The following PLK5 variants were observed in gnomAD, a reference collection of about 807,000 sequenced individuals.
PLK5 encodes the protein inactive serine/threonine-protein kinase PLK5.
A neutral mutation model predicts 33.7 loss-of-function variants in PLK5; 28 were observed. That is an observed-to-expected ratio of 0.83 (90% CI 0.62 to 1.14). The LOEUF (loss-of-function observed/expected upper bound fraction) is 1.14. Ranked by LOEUF, PLK5 falls within the 50% of genes most tolerant of loss-of-function variation. PLK5 has a pLI of 0.00. For missense variants in PLK5, 492 were observed against 461.5 expected (o/e 1.07, Z -0.61); for synonymous variants, 225 against 202.2 (o/e 1.11, Z -0.96).
intron 9 of PLK5, 32 bp downstream of exon 9, chr19:1,529,006 C>G: frequency 4.1e-6 from 6 of 1,468,298 alleles, no homozygotes; most frequent in Admixed American, 2.4e-5. Flanking sequence ...CACGGGGAGA[C>G]ACAGGTGGAG....
chr19:1,533,157 C>T (rs1599307615), intron 12 of PLK5, among the ~76,000 whole-genome samples: 1 of 151,910 alleles, frequency 6.6e-6, no homozygotes, highest in East Asian at 2.0e-4. Flanking sequence ...CGGAGTTGTG[C>T]TCTTGTTGCC....
At chr19:1,528,247 G>C in intron 7 of PLK5, 55 bp from the exon 8 acceptor site, 2 of 1,535,626 alleles carry the variant, frequency 1.3e-6, no homozygotes, top group Non-Finnish European at 1.7e-6. Context: ...GGTAACCCAG[G>C]TGCTCAGGGG....
At chr19:1,529,599 C>T (rs763027852) in intron 10 of PLK5, 109 bp downstream of exon 10, 2 of 1,418,440 alleles carry the variant, frequency 1.4e-6, no homozygotes, top group Admixed American at 2.0e-5. Context: ...CCGTCCCGGC[C>T]TCACCTTTCC....
At chr19:1,529,050 A>C in intron 9 of PLK5, 76 bp downstream of exon 9, 1 of 1,296,022 alleles carries the variant, frequency 7.7e-7, no homozygotes, top group Non-Finnish European at 1.0e-6. Context: ...CCCCTCCCCC[A>C]TGCCGGCTTC....
intron 1 of PLK5, 115 bp from the exon 2 acceptor site, chr19:1,525,190 T>A (rs1319164613): frequency 1.3e-5 from 2 of 153,010 alleles, no homozygotes; most frequent in African/African-American, 4.8e-5. Context: ...CCCCGGTGTG[T>A]GTGTGGAGAG....
rs1914064898 is a variant in PLK5, at chr19:1,535,265, A to G, written c.*15A>G. On this transcript the variant is annotated 3_prime_UTR_variant, in exon 14 of 14. Coordinates refer to ENST00000454744, the MANE Select transcript of PLK5 (RefSeq NM_001243079.2). ...AGAGTATCTAGTGCCCCTGAGGGTC[A>G]GAGTGGACCCCTGCATGGTAGTGCC... The G allele has an allele frequency of 6.5e-7, 1 of 1,531,832 alleles. No individual in the cohort carries two copies. The highest frequency in any genetic ancestry group is 8.7e-7 in the Non-Finnish European group (1 of 1,144,638). 94.9% of individuals were successfully genotyped at this position (1,531,832 alleles called of 1,614,324 possible). A position where few individuals can be genotyped will look rare whatever the true frequency, so the allele number is the denominator to read the frequency against.
chr19:1,532,518 CTTCT>C (rs1365128131), intron 12 of PLK5, among the ~76,000 whole-genome samples: 77 of 121,660 alleles, frequency 6.3e-4, no homozygotes, highest in Admixed American at 2.8e-3. Flanking sequence ...ACAAAATTTT[CTTCT>C]TTTTTTTTTT....
Position 1,524,466 on chromosome 19 carries a change from G to A in PLK5, c.-544+220G>A, listed in dbSNP as rs79551414. Among the ~76,000 whole-genome samples the A allele has an allele frequency of 0.015, 2,333 of 152,202 alleles. 63 individuals are homozygous for A. The highest frequency in any genetic ancestry group is 0.053 in the African/African-American group (2,200 of 41,536). On this transcript the variant is annotated intron_variant, in intron 1 of 13. Transcript: ENST00000454744. The surrounding 1 kb of genome is among the most constrained non-coding windows in gnomAD (Gnocchi z 4.5). ...CGTCGTGTCCGTGGGTTGCGTGTCC[G>A]GGGTGTGGGCGTGCGGCTCGGCCTC... is the stretch of plus-strand genomic sequence containing the variant.
intron 12 of PLK5, among the ~76,000 whole-genome samples, chr19:1,533,136 T>C (rs910279343): frequency 2.6e-5 from 4 of 152,036 alleles, no homozygotes; most frequent in African/African-American, 4.8e-5. Flanking sequence ...CTCTGTCTCT[T>C]TTTTTTGAGA....
rs996107312 is a variant in PLK5 at position 1,534,571 on chromosome 19, C to A, written c.826-494C>A. 2.7e-5 allele frequency among the ~76,000 whole-genome samples: 4 copies of A among 148,460 alleles called. No individual in the cohort carries two copies. The South Asian group carries it at 8.4e-4, about 31-fold the overall frequency. On this transcript the variant is annotated intron_variant, in intron 13 of 13. Transcript: ENST00000454744. ...CTGTAATCCCAGCACTTTGGGAGGC[C>A]GAGGTGGGCAGATCACGAGGTCAGG...
intron 3 of PLK5, 148 bp downstream of exon 3, chr19:1,525,859 G>C (rs758143111): frequency 3.3e-5 from 5 of 152,760 alleles, no homozygotes; most frequent in Non-Finnish European, 5.9e-5. Flanking sequence ...GCCTACGTAG[G>C]GCCAATTGTG....
At chr19:1,532,013 A>C (rs933099285) in intron 12 of PLK5, 130 bp downstream of exon 12, 10 of 1,069,794 alleles carry the variant, frequency 9.3e-6, no homozygotes, top group Admixed American at 3.7e-5. Flanking sequence ...GGGGAGAACA[A>C]CACTAAACGA....
chr19:1,527,166 G>C (rs916370638), intron 6 of PLK5, among the ~76,000 whole-genome samples, 168 bp downstream of exon 6: 2 of 152,148 alleles, frequency 1.3e-5, no homozygotes, highest in Non-Finnish European at 2.9e-5. Flanking sequence ...GGAGGCGTGT[G>C]TGAGGGAGGA....
At chr19:1,526,670 C>T in intron 4 of PLK5, 34 bp from the exon 5 acceptor site, 1 of 413,390 alleles carries the variant, frequency 2.4e-6, no homozygotes. Flanking sequence ...GGGCACGGAT[C>T]CACCCCCATG....
chr19:1,534,975 C>A, intron 13 of PLK5, 90 bp from the exon 14 acceptor site: 2 of 1,233,274 alleles, frequency 1.6e-6, no homozygotes, highest in South Asian at 1.6e-5. Context: ...GGCTCTGGGT[C>A]CAGTGTCCAC....
chr19:1,526,853 C>A, intron 5 of PLK5, 50 bp from the exon 6 acceptor site: 1 of 1,059,702 alleles, frequency 9.4e-7, no homozygotes. Flanking sequence ...GCCCTGAAGT[C>A]TGGCACGGGG....
rs576783542 is a variant in PLK5 at position 1,535,231 on chromosome 19, G to C, written c.992G>C (p.Arg331Pro). ...TTGQHLHHAL[R>P]MLQSI ...GGACAGCACCTTCACCACGCCCTCC[G>C]CATGCTGCAGAGTATCTAGTGCCCC... Residue 331 changes from arginine to proline, a missense_variant, in exon 14 of 14, where the codon CGC becomes CCC. Physicochemically the swap from Arg to Pro is moderately radical, Grantham distance 103. Transcript: ENST00000454744. 1 of 1,535,716 alleles carries C rather than the reference G, an allele frequency of 6.5e-7. No individual in the cohort carries two copies. Among genetic ancestry groups the C allele is most frequent in the South Asian group, 1.2e-5 (1 of 84,020 alleles).
intron 9 of PLK5, 136 bp downstream of exon 9, chr19:1,529,110 G>A (rs1254379643): frequency 1.2e-5 from 9 of 749,266 alleles, no homozygotes; most frequent in South Asian, 7.7e-5. Context: ...CCCTAGTCCC[G>A]TCCTGACGCA....
In PLK5 at chr19:1,535,159, C is replaced by T. The variant is rs749007208; in HGVS notation, c.920C>T (p.Ser307Phe). The T allele has an allele frequency of 5.9e-6, 9 of 1,535,638 alleles. No homozygotes were observed. The South Asian group carries it at 7.1e-5, about 12-fold the overall frequency. ...TGGGAGCAGGGGTCCCCTGGCACCTCCTACTCCCTGGACGTCCCGCGGAGC... is the reference window on the plus strand; with the variant it reads ...TGGGAGCAGGGGTCCCCTGGCACCTTCTACTCCCTGGACGTCCCGCGGAGC... ...TLWEQGSPGTSYSLDVPRSHG... is the reference protein window; with the variant it reads ...TLWEQGSPGTFYSLDVPRSHG... The change falls in exon 14 of 14, where the codon TCC (serine) becomes TTC (phenylalanine). Residue 307 changes from serine (S) to phenylalanine (F), a missense_variant. By Grantham distance (155) the Ser-to-Phe change is radical. Transcript: ENST00000454744.
Sources: allele counts gnomAD v4.1 joint callset (sites outside exome capture counted in the v4.1 genomes callset), GRCh38; gene constraint gnomAD v4.1.1; non-coding constraint Gnocchi (gnomAD v3.1); transcripts MANE v1.5; gene names NCBI Gene and HGNC (gene_info 2026-07-23, HGNC 2026-07-21).